Variants in FMR1NB observed in about 807,000 individuals in gnomAD.
The protein encoded by FMR1NB is FMR1 neighbor, also known as FMR1 neighbor protein.
In FMR1NB, 10 loss-of-function variants were observed where a neutral mutation model predicts 16.8. The observed-to-expected ratio is 0.60, with a 90% CI of 0.37 to 1.01. The LOEUF (loss-of-function observed/expected upper bound fraction) is 1.01, where lower values mean the gene tolerates loss of function less well. FMR1NB is among the 50% of genes least tolerant of loss of function. The pLI, the probability that FMR1NB is intolerant of heterozygous loss-of-function variation, is 0.01. For synonymous variants in FMR1NB, 83 were observed against 79.1 expected, an observed-to-expected ratio of 1.05 and a Z score of -0.26; for missense variants, 205 against 204.8, an observed-to-expected ratio of 1.00 and a Z score of 0.00.
intron 2 of FMR1NB, among the ~76,000 whole-genome samples, chrX:148,005,239 A>G (rs1278815579): frequency 8.9e-6 from 1 of 112,060 alleles, no homozygotes; most frequent in Admixed American, 9.5e-5. Context: ...CTTAAAGCAG[A>G]AATTAACAGA....
At chrX:147,998,745 A>G (rs1259906135) in intron 1 of FMR1NB, among the ~76,000 whole-genome samples, 5 of 112,634 alleles carry the variant, frequency 4.4e-5, no homozygotes, top group Non-Finnish European at 9.4e-5. Context: ...ATCCATAAAT[A>G]TTCATCTATG....
chrX:148,021,204 T>C (rs1203553982), intron 4 of FMR1NB, among the ~76,000 whole-genome samples: 1 of 111,403 alleles, frequency 9.0e-6, no homozygotes, highest in Non-Finnish European at 1.9e-5. Flanking sequence ...TGTCTCACAA[T>C]TGCTGCACTC....
chrX:148,013,833 C>G (rs1488354969), intron 4 of FMR1NB, among the ~76,000 whole-genome samples: 1 of 111,828 alleles, frequency 8.9e-6, no homozygotes, highest in Non-Finnish European at 1.9e-5. Flanking sequence ...TCCCCTTGAC[C>G]CTTCTCCATT....
intron 4 of FMR1NB, among the ~76,000 whole-genome samples, chrX:148,011,882 TAC>T (rs1557189660): frequency 8.9e-6 from 1 of 111,743 alleles, no homozygotes; most frequent in East Asian, 2.8e-4. Flanking sequence ...ATGAACCTGG[TAC>T]ACAGAGGACT....
chrX:147,997,339 C>A (rs983194329), intron 1 of FMR1NB, among the ~76,000 whole-genome samples: 7 of 111,740 alleles, frequency 6.3e-5, no homozygotes, highest in African/African-American at 2.3e-4. Flanking sequence ...ACAAACCTGT[C>A]AAATACAAGC....
intron 4 of FMR1NB, among the ~76,000 whole-genome samples, chrX:148,023,938 A>T (rs2044691549): frequency 9.0e-6 from 1 of 111,014 alleles, no homozygotes; most frequent in African/African-American, 3.3e-5. Flanking sequence ...TAGTTTGGTG[A>T]CCTCGGCAAG....
chrX:147,985,101 T>G (rs1309388914), intron 1 of FMR1NB, among the ~76,000 whole-genome samples: 1 of 111,606 alleles, frequency 9.0e-6, no homozygotes, highest in African/African-American at 3.3e-5. Flanking sequence ...ATTTTCTATC[T>G]ATATTCATAA....
At chrX:147,984,069 G>A (rs1434131357) in intron 1 of FMR1NB, among the ~76,000 whole-genome samples, 1 of 111,891 alleles carries the variant, frequency 8.9e-6, no homozygotes, top group African/African-American at 3.3e-5. Context: ...TTTTATTCTG[G>A]TCTACGTGTC....
At position 147,981,609 on chromosome X, in the gene FMR1NB, T is replaced by A. The variant is rs146154010; in HGVS notation, c.207T>A (p.Phe69Leu). ...ESLKMRVSKP[F>L]GMLMLSIWIL... ...TAAAGATGCGGGTCAGCAAACCCTT[T>A]GGGATGCTCATGCTCTCCATTTGGA... The change falls in exon 1 of 6, where the codon TTT becomes TTA. Residue 69 changes from phenylalanine (F) to leucine (L), a missense_variant. Phe to Leu is a conservative substitution (Grantham distance 22, BLOSUM62 0). Transcript: ENST00000370467. 4.1e-6 allele frequency: 5 copies of A among 1,208,008 alleles called. No homozygotes were observed. In the African/African-American group the frequency reaches 8.8e-5, roughly 21 times the overall value.
At chrX:148,007,752 C>T (rs1193085513) in intron 3 of FMR1NB, among the ~76,000 whole-genome samples, 1 of 112,145 alleles carries the variant, frequency 8.9e-6, no homozygotes, top group African/African-American at 3.2e-5. Flanking sequence ...ACTAATACTA[C>T]AAAAAGGATG....
At chrX:148,018,258 T>A (rs1319647996) in intron 4 of FMR1NB, among the ~76,000 whole-genome samples, 9 of 111,972 alleles carry the variant, frequency 8.0e-5, no homozygotes, top group Middle Eastern at 9.2e-3. Context: ...GGTATCTCAT[T>A]GTGGTTTTGA....
intron 1 of FMR1NB, among the ~76,000 whole-genome samples, chrX:147,987,665 G>C (rs150867919): frequency 0.01 from 1,133 of 111,122 alleles, 31 homozygotes; most frequent in East Asian, 0.091. Flanking sequence ...TATTGTGTGG[G>C]AGTCTGTCTT....
At chrX:147,998,982 G>T (rs1557188424) in intron 1 of FMR1NB, among the ~76,000 whole-genome samples, 1 of 111,915 alleles carries the variant, frequency 8.9e-6, no homozygotes, top group Non-Finnish European at 1.9e-5. Flanking sequence ...ATGACCGAAA[G>T]ATCTATAAAG....
intron 1 of FMR1NB, among the ~76,000 whole-genome samples, chrX:147,999,088 A>G (rs1351155875): frequency 1.8e-5 from 2 of 111,848 alleles, no homozygotes; most frequent in Non-Finnish European, 3.8e-5. Flanking sequence ...ATGGAGAGAA[A>G]TCACAGCAAC....
intron 2 of FMR1NB, among the ~76,000 whole-genome samples, chrX:148,005,478 G>T (rs1326703173): frequency 9.0e-6 from 1 of 111,286 alleles, no homozygotes; most frequent in African/African-American, 3.3e-5. Flanking sequence ...GAGAAGAGCC[G>T]CTCTGGGCCT....
intron 1 of FMR1NB, among the ~76,000 whole-genome samples, chrX:147,985,827 T>C (rs1488015384): frequency 2.7e-5 from 3 of 112,218 alleles, no homozygotes; most frequent in Non-Finnish European, 5.6e-5. Context: ...CCTTTGGGTA[T>C]ATACCCAGTA....
chrX:148,001,163 C>G (rs2044568460), intron 1 of FMR1NB, among the ~76,000 whole-genome samples: 1 of 111,888 alleles, frequency 8.9e-6, no homozygotes, highest in Non-Finnish European at 1.9e-5. Context: ...CAGGGCCTAT[C>G]TGAATACAAT....
At position 148,003,279 on chromosome X, in the gene FMR1NB, A is replaced by T. The variant is rs1557188804; in HGVS notation, c.356A>T (p.Asp119Val). ...GCTCATGGCCAATCTCTGGAAGAAGATTCCGCATTGGAAGCTTTGCTGAAT... is the reference window on the plus strand; with the variant it reads ...GCTCATGGCCAATCTCTGGAAGAAGTTTCCGCATTGGAAGCTTTGCTGAAT... ...ENAHGQSLEE[D>V]SALEALLNFF... Residue 119 changes from aspartate (D) to valine (V), a missense_variant, in exon 2 of 6, where the codon GAT becomes GTT. Physicochemically the swap from Asp to Val is radical, Grantham distance 152. Transcript: ENST00000370467. 4 of 1,211,318 alleles carry T rather than the reference A, an allele frequency of 3.3e-6. No individual in the cohort carries two copies. In the South Asian group the frequency reaches 5.3e-5, roughly 16 times the overall value.
intron 4 of FMR1NB, among the ~76,000 whole-genome samples, chrX:148,022,679 C>T (rs111880123): frequency 0.037 from 4,086 of 111,144 alleles, 103 homozygotes; most frequent in African/African-American, 0.081. Context: ...GAATAGCTAA[C>T]CTTGGATCTC....
Sources: gnomAD v4.1 joint callset for allele counts (sites outside exome capture counted in the v4.1 genomes callset) on GRCh38, gnomAD v4.1.1 for gene constraint, MANE v1.5 for transcripts, NCBI Gene and HGNC (gene_info 2026-07-23, HGNC 2026-07-21) for gene names.